The following CCDC157 variants were observed in gnomAD, a reference collection of about 807,000 sequenced individuals.
CCDC157 encodes the protein coiled-coil domain-containing protein 157.
CCDC157 carries 60 observed loss-of-function variants against 70.9 expected under a neutral mutation model. The observed-to-expected ratio is 0.85, with a 90% CI of 0.69 to 1.05. The LOEUF (loss-of-function observed/expected upper bound fraction) is 1.05. Among genes scored for constraint, CCDC157 ranks in the 50% least tolerant of loss-of-function variants. The pLI is 0.00. For missense variants in CCDC157, 943 were observed against 984.2 expected (o/e 0.96, Z 0.56); for synonymous variants, 373 against 422.4 (o/e 0.88, Z 1.43).
chr22:30,374,953 TC>T (rs1555989115), intron 9 of CCDC157: 4 of 281,036 alleles, frequency 1.4e-5, no homozygotes, highest in Non-Finnish European at 1.3e-5. Flanking sequence ...ATTTGCTAAG[TC>T]TTTTTTTTTT....
At chr22:30,369,896 C>G in intron 4 of CCDC157, 1 of 459,334 alleles carries the variant, frequency 2.2e-6, no homozygotes, top group Non-Finnish European at 3.9e-6. Flanking sequence ...TCATGTGACC[C>G]CTGTTTGTTA....
At position 30,369,549 on chromosome 22, in the gene CCDC157, C is replaced by T. The variant is rs1254756518; in HGVS notation, c.366C>T (p.Arg122=). Residue 122 remains arginine, a synonymous_variant, in exon 4 of 12, where the codon CGC becomes CGT. Coordinates refer to ENST00000338306, the MANE Select transcript of CCDC157 (RefSeq NM_001017437.5). ...TGTCCGTGGGGCTCACGGTGCGGCG[C>T]TTCTGGGACAGCCTGCTGAGGCTGG... ...PCMSVGLTVR[R]FWDSLLRLGT... 6.2e-6 allele frequency: 10 copies of T among 1,603,040 alleles called. No homozygotes were observed. In the South Asian group the frequency reaches 8.9e-5, roughly 14 times the overall value.
intron 10 of CCDC157, 178 bp downstream of exon 10, chr22:30,375,841 T>A (rs1301408262): frequency 3.2e-6 from 2 of 618,876 alleles, no homozygotes; most frequent in East Asian, 5.6e-5. Flanking sequence ...ATGGATCCGA[T>A]GCCTTCCAGT....
intron 2 of CCDC157, among the ~76,000 whole-genome samples, chr22:30,364,939 A>G (rs1316238894): frequency 6.6e-6 from 1 of 152,028 alleles, no homozygotes; most frequent in Non-Finnish European, 1.5e-5. Flanking sequence ...TGCATTTTAA[A>G]TTTTCTTTGC....
intron 3 of CCDC157, among the ~76,000 whole-genome samples, chr22:30,368,542 G>A (rs1481083391): frequency 6.6e-6 from 1 of 152,236 alleles, no homozygotes; most frequent in African/African-American, 2.4e-5. Flanking sequence ...CCAAAGCCAT[G>A]CTCTGTCCTC....
chr22:30,371,921 C>G, intron 6 of CCDC157, 154 bp from the exon 7 acceptor site: 4 of 740,936 alleles, frequency 5.4e-6, no homozygotes, highest in Non-Finnish European at 8.8e-6. Flanking sequence ...AAAGCGCCTT[C>G]TATTTTCCAA....
chr22:30,375,189 C>T (rs1188969548), intron 9 of CCDC157: 2 of 338,242 alleles, frequency 5.9e-6, no homozygotes, highest in African/African-American at 2.2e-5. Flanking sequence ...GATCTCTTGA[C>T]TTAATGATCC....
At chr22:30,362,373 C>T (rs1161133434) in intron 2 of CCDC157, among the ~76,000 whole-genome samples, 3 of 152,204 alleles carry the variant, frequency 2.0e-5, no homozygotes, top group Non-Finnish European at 4.4e-5. Flanking sequence ...GAACCTCGCC[C>T]GGCCTGGGGC....
At position 30,370,801 on chromosome 22, in the gene CCDC157, A is replaced by C. The variant is rs751163184; in HGVS notation, c.896A>C (p.Glu299Ala). The change falls in exon 5 of 12, where the codon GAG becomes GCG. Residue 299 changes from glutamate (E) to alanine (A), a missense_variant. Physicochemically the swap from Glu to Ala is moderately radical, Grantham distance 107 (BLOSUM62 -1). Coordinates refer to ENST00000338306, the MANE Select transcript of CCDC157 (RefSeq NM_001017437.5). The part of the protein sequence containing the change: ...HVEALRAQLE[E>A]AEGQKDGLRK... ...GAGGCCCTCAGGGCCCAGCTGGAGG[A>C]GGCTGAAGGGCAGAAGGATGGCCTG... 6.2e-7 allele frequency: 1 copy of C among 1,613,362 alleles called. No homozygotes were observed. Among genetic ancestry groups the C allele is most frequent in the African/African-American group, 1.3e-5 (1 of 75,062 alleles).
chr22:30,358,678 G>T (rs1011399567), intron 1 of CCDC157, among the ~76,000 whole-genome samples: 1 of 152,214 alleles, frequency 6.6e-6, no homozygotes, highest in Non-Finnish European at 1.5e-5. Flanking sequence ...TGCAGGAAAG[G>T]CTCCTGCTCT....
At chr22:30,376,107 G>A (rs767998161) in intron 10 of CCDC157, 152 bp from the exon 11 acceptor site, 11 of 660,918 alleles carry the variant, frequency 1.7e-5, no homozygotes, top group Admixed American at 2.9e-5. Context: ...AATAGGCCCT[G>A]GAAGGCTTCC....
Position 30,377,010 on chromosome 22 carries a change from A to G in CCDC157, c.*265A>G. On this transcript the variant is annotated 3_prime_UTR_variant, in exon 12 of 12. Transcript: ENST00000338306. ...CAGAGGCTGTGGGATAGGAGAGTAC[A>G]CCCAGGGCAGAGGAAGCTCCTAAGA... 1.9e-6 allele frequency: 1 copy of G among 539,838 alleles called. No individual in the cohort carries two copies. Among genetic ancestry groups the G allele is most frequent in the Non-Finnish European group, 3.3e-6 (1 of 300,736 alleles). The allele number at this position is 539,838 out of a possible 1,614,324, so 33.4% of individuals were successfully genotyped here. A position where few individuals can be genotyped will look rare whatever the true frequency, so the allele number is the denominator to read the frequency against.
intron 1 of CCDC157, among the ~76,000 whole-genome samples, chr22:30,358,808 C>T (rs532717224): frequency 4.6e-5 from 7 of 152,190 alleles, no homozygotes; most frequent in Middle Eastern, 3.2e-3. Flanking sequence ...GGTACAGTGC[C>T]GGGCTGGCAG....
At position 30,374,039 on chromosome 22, in the gene CCDC157, G is replaced by C. The variant is rs1344092483; in HGVS notation, c.1620G>C (p.Arg540=). 6.2e-7 allele frequency: 1 copy of C among 1,607,224 alleles called. No individual in the cohort carries two copies. The highest frequency in any genetic ancestry group is 8.5e-7 in the Non-Finnish European group (1 of 1,177,650). ...TGGAGGAGCTGAAGGAGCGGGAGCG[G>C]CTGCTGGTGGCCTTCCCAGACCTGC... ...RELEELKERE[R]LLVAFPDLHR... Residue 540 remains arginine (R), a synonymous_variant, in exon 9 of 12, where the codon CGG becomes CGC. Transcript: ENST00000338306.
rs1932730925 is a variant in CCDC157 at position 30,366,268 on chromosome 22, C to G, written c.248+20C>G. The G allele has an allele frequency of 6.2e-7, 1 of 1,611,668 alleles. No individual in the cohort carries two copies. Among genetic ancestry groups the G allele is most frequent in the South Asian group, 1.1e-5 (1 of 91,066 alleles). On this transcript the variant is annotated intron_variant, in intron 3 of 11. Transcript: ENST00000338306. ...CGACAGGTGAGGGCCTTGACCAAGC[C>G]TGGTCATCTCAGGATGCCAGCACCT...
chr22:30,370,981 C>T lies in CCDC157; in HGVS notation c.1045+31C>T, dbSNP rs373792659. On this transcript the variant is annotated intron_variant, in intron 5 of 11. Coordinates refer to ENST00000338306, the MANE Select transcript of CCDC157 (RefSeq NM_001017437.5). The stretch of plus-strand genomic sequence containing the variant: ...TGCCCCAGAGGCCAGACGCCTGGTG[C>T]CCAGGGGCTCTGCCACAGCCTTTGC... 4.7e-5 allele frequency: 75 copies of T among 1,581,920 alleles called. No homozygotes were observed. The African/African-American group carries it at 8.9e-4, about 19-fold the overall frequency.
At chr22:30,357,410 C>T (rs553168027) in intron 1 of CCDC157, among the ~76,000 whole-genome samples, 316 of 152,350 alleles carry the variant, frequency 2.1e-3, no homozygotes, top group African/African-American at 7.4e-3. Context: ...CGGAACCTGC[C>T]TTTTCTTGCT....
intron 2 of CCDC157, among the ~76,000 whole-genome samples, chr22:30,365,090 G>A (rs1932630697): frequency 6.6e-6 from 1 of 152,218 alleles, no homozygotes; most frequent in African/African-American, 2.4e-5. Flanking sequence ...CCAGCAGAGA[G>A]CAATCACAGC....
chr22:30,372,257 C>A lies in CCDC157; in HGVS notation c.1306C>A (p.Arg436Ser). Residue 436 changes from arginine (R) to serine (S), a missense_variant, in exon 7 of 12, where the codon CGT becomes AGT. By Grantham distance (110) the Arg-to-Ser change is moderately radical (BLOSUM62 -1). Coordinates refer to ENST00000338306, the MANE Select transcript of CCDC157 (RefSeq NM_001017437.5). Reference protein sequence around the residue: ...ASTELDKEKARVDSMVRHQES... With the variant: ...ASTELDKEKASVDSMVRHQES... Reference sequence around the variant, plus strand: ...CACGGAGCTGGATAAGGAGAAGGCCCGTGTCGACAGCATGGTCCGCCACCA... The same window carrying A: ...CACGGAGCTGGATAAGGAGAAGGCCAGTGTCGACAGCATGGTCCGCCACCA... 3 of 1,587,992 alleles carry A rather than the reference C, an allele frequency of 1.9e-6. No homozygotes were observed. Among genetic ancestry groups the A allele is most frequent in the Non-Finnish European group, 1.7e-6 (2 of 1,169,548 alleles).
Sources: allele counts gnomAD v4.1 joint callset (sites outside exome capture counted in the v4.1 genomes callset), GRCh38; gene constraint gnomAD v4.1.1; transcripts MANE v1.5; gene names NCBI Gene and HGNC (gene_info 2026-07-23, HGNC 2026-07-21).